The following SORCS2 variants were observed in gnomAD, a reference collection of about 807,000 sequenced individuals.
SORCS2 encodes the protein VPS10 domain-containing receptor SorCS2.
A neutral mutation model predicts 141.6 loss-of-function variants in SORCS2; 100 were observed. The ratio of observed to expected loss-of-function variants is 0.71; its 90% CI spans 0.60 to 0.83. The LOEUF is 0.83. Among genes scored for constraint, SORCS2 ranks in the 40% least tolerant of loss-of-function variants. The probability of loss-of-function intolerance (pLI) is 0.00; values close to 1 mark genes in which losing one functional copy is unlikely to be tolerated. For missense variants in SORCS2, 1,646 were observed against 1,560.2 expected (o/e 1.05, Z -0.93); for synonymous variants, 789 against 676.9 (o/e 1.17, Z -2.57).
chr4:7,341,305 CT>C lies in SORCS2; in HGVS notation c.481-54981del, dbSNP rs1424469110. Among the ~76,000 whole-genome samples the C allele has an allele frequency of 3.3e-5, 5 of 152,250 alleles. No homozygotes were observed. The East Asian group carries it at 7.7e-4, about 24-fold the overall frequency. ...TGCTGTTCTTTCTCTCTTGGGTGCC[CT>C]TCTGCCTTGGCCTGTTCAAGGCCCA... On this transcript the variant is annotated intron_variant, in intron 1 of 26. Transcript: ENST00000507866.
chr4:7,517,866 C>T lies in SORCS2; in HGVS notation c.549-13664C>T, dbSNP rs143518274. Reference sequence around the variant, plus strand: ...AAGAGAAAAAAGTGGATTTCCACCACGCACAGCACGTGGTAGGCACTCTGT... The same window carrying T: ...AAGAGAAAAAAGTGGATTTCCACCATGCACAGCACGTGGTAGGCACTCTGT... On this transcript the variant is annotated intron_variant, in intron 2 of 26. Transcript: ENST00000507866. Among the ~76,000 whole-genome samples, 115 of 152,320 alleles carry T rather than the reference C, an allele frequency of 7.5e-4. No homozygotes were observed. In the East Asian group the frequency reaches 0.013, roughly 17 times the overall value.
intron 3 of SORCS2, among the ~76,000 whole-genome samples, chr4:7,560,147 A>G (rs545519129): frequency 3.2e-4 from 49 of 152,336 alleles, no homozygotes; most frequent in East Asian, 2.7e-3. Flanking sequence ...GCCCACGGAA[A>G]TGGCTTGTAA....
intron 1 of SORCS2, among the ~76,000 whole-genome samples, chr4:7,316,634 A>T (rs1718579944): frequency 6.6e-6 from 1 of 152,212 alleles, no homozygotes; most frequent in East Asian, 1.9e-4. Flanking sequence ...GGCTTAGAAA[A>T]TGTTAACTCT....
chr4:7,339,577 C>T (rs554526865), intron 1 of SORCS2, among the ~76,000 whole-genome samples: 56 of 152,292 alleles, frequency 3.7e-4, no homozygotes, highest in South Asian at 3.1e-3. Flanking sequence ...CATCTTCACA[C>T]GGTGTTCTCC....
At chr4:7,478,874 G>A (rs761031387) in intron 2 of SORCS2, among the ~76,000 whole-genome samples, 1 of 152,172 alleles carries the variant, frequency 6.6e-6, no homozygotes, top group East Asian at 1.9e-4. Context: ...GGGACCCTTC[G>A]GCTCTGTGTT....
At chr4:7,601,292 A>C (rs1717647875) in intron 3 of SORCS2, among the ~76,000 whole-genome samples, 1 of 148,324 alleles carries the variant, frequency 6.7e-6, no homozygotes, top group Non-Finnish European at 1.5e-5. Flanking sequence ...TCTTTTTTTA[A>C]ACTCCCCAAA....
chr4:7,434,472 C>T (rs767261815), intron 2 of SORCS2: 31 of 1,611,196 alleles, frequency 1.9e-5, no homozygotes, highest in African/African-American at 4.0e-5. Flanking sequence ...AGAGGCTGAG[C>T]GCTGTGCACA....
chr4:7,486,702 AGGATCCCTCCT>A (rs1418091118), intron 2 of SORCS2, among the ~76,000 whole-genome samples: 2 of 152,128 alleles, frequency 1.3e-5, no homozygotes, highest in Non-Finnish European at 2.9e-5. Flanking sequence ...CCTCCAAAGG[AGGATCCCTCCT>A]GGCTCTTCCG....
intron 4 of SORCS2, among the ~76,000 whole-genome samples, chr4:7,650,160 A>G (rs1183853452): frequency 2.0e-5 from 3 of 152,230 alleles, no homozygotes; most frequent in African/African-American, 7.2e-5. Context: ...AGATAATTCA[A>G]GTGCAGGTCT....
At chr4:7,510,575 C>T (rs1041293388) in intron 2 of SORCS2, among the ~76,000 whole-genome samples, 8 of 151,874 alleles carry the variant, frequency 5.3e-5, no homozygotes, top group Non-Finnish European at 8.8e-5. Context: ...GAAATGCGAC[C>T]CCGGGGCCAG....
intron 1 of SORCS2, among the ~76,000 whole-genome samples, chr4:7,325,802 TC>T (rs1307199902): frequency 6.6e-6 from 1 of 152,148 alleles, no homozygotes; most frequent in Non-Finnish European, 1.5e-5. Flanking sequence ...TTCTTGCTCT[TC>T]AGGCACAGAG....
chr4:7,539,462 A>C (rs1712389510), intron 3 of SORCS2, among the ~76,000 whole-genome samples: 1 of 152,204 alleles, frequency 6.6e-6, no homozygotes, highest in African/African-American at 2.4e-5. Flanking sequence ...ACAGAAGTCC[A>C]GTACTTTGTT....
chr4:7,224,778 TC>T (rs1212673537), intron 1 of SORCS2, among the ~76,000 whole-genome samples: 21 of 152,282 alleles, frequency 1.4e-4, no homozygotes, highest in African/African-American at 5.1e-4. Flanking sequence ...CCTGTGGACC[TC>T]CCACTCCCTC....
chr4:7,233,810 G>A lies in SORCS2; in HGVS notation c.480+40684G>A, dbSNP rs1249683947. ...CCTCAGTTTTCCTGTCTGTAAAATG[G>A]GTGCCGTGGTGCAAACATCAGAGGG... On this transcript the variant is annotated intron_variant, in intron 1 of 26. Transcript: ENST00000507866. This position sits in a 1 kb window ranked among gnomAD's most constrained non-coding sequence, Gnocchi z 4.5. Among the ~76,000 whole-genome samples the A allele has an allele frequency of 6.6e-6, 1 of 152,192 alleles. No individual in the cohort carries two copies. Among genetic ancestry groups the A allele is most frequent in the Non-Finnish European group, 1.5e-5 (1 of 68,044 alleles).
Position 7,373,458 on chromosome 4 carries a change from T to TATATATATATATATATATA in SORCS2, c.481-22830_481-22829insATATATATATATATATATA, listed in dbSNP as rs60884163. 3.9e-3 allele frequency among the ~76,000 whole-genome samples: 323 copies of TATATATATATATATATATA among 82,634 alleles called. 60 individuals are homozygous for TATATATATATATATATATA. The highest frequency in any genetic ancestry group is 0.012 in the African/African-American group (171 of 14,036). 54.2% of individuals were successfully genotyped at this position (82,634 alleles called of 152,430 possible). A position where few individuals can be genotyped will look rare whatever the true frequency, so the allele number is the denominator to read the frequency against. On this transcript the variant is annotated intron_variant, in intron 1 of 26. Coordinates refer to ENST00000507866, the MANE Select transcript of SORCS2 (RefSeq NM_020777.3). Reference sequence around the variant, plus strand: ...TGTTGTATTGAATTGTGAGAAACTTTTATATATATATATATATATATTTTT... The same window carrying TATATATATATATATATATA: ...TGTTGTATTGAATTGTGAGAAACTTTATATATATATATATATATATATATATATATATATATATATTTTT...
intron 3 of SORCS2, among the ~76,000 whole-genome samples, chr4:7,612,292 G>C (rs955725514): frequency 2.0e-5 from 3 of 152,180 alleles, no homozygotes; most frequent in Non-Finnish European, 4.4e-5. Flanking sequence ...GCTTGGGTCT[G>C]GGGGGAAGGA....
chr4:7,611,891 G>A (rs1003112176), intron 3 of SORCS2, among the ~76,000 whole-genome samples: 3 of 152,236 alleles, frequency 2.0e-5, no homozygotes, highest in African/African-American at 4.8e-5. Context: ...CAGGCTTGCC[G>A]AGCCCTGGCT....
intron 1 of SORCS2, among the ~76,000 whole-genome samples, chr4:7,269,919 A>T (rs113610592): frequency 2.0e-5 from 3 of 152,284 alleles, no homozygotes; most frequent in Non-Finnish European, 4.4e-5. Flanking sequence ...TCACTTTGTC[A>T]CCCAGGCTGG....
Position 7,577,382 on chromosome 4 carries a change from CA to C in SORCS2, c.648+45754del, listed in dbSNP as rs1345684919. Among the ~76,000 whole-genome samples, 4 of 152,140 alleles carry C rather than the reference CA, an allele frequency of 2.6e-5. No individual in the cohort carries two copies. The East Asian group carries it at 7.7e-4, about 29-fold the overall frequency. On this transcript the variant is annotated intron_variant, in intron 3 of 26. Transcript: ENST00000507866. ...AGTCAGGTGGGTGTACAGATGGAGT[CA>C]TATAGCATACAGGCGAAGTCAGCTA... is the stretch of plus-strand genomic sequence containing the variant.
Sources: gnomAD v4.1 joint callset for allele counts (sites outside exome capture counted in the v4.1 genomes callset) on GRCh38, gnomAD v4.1.1 for gene constraint, Gnocchi (gnomAD v3.1) non-coding constraint, MANE v1.5 for transcripts, NCBI Gene and HGNC (gene_info 2026-07-23, HGNC 2026-07-21) for gene names.